AZIN2: variants seen among roughly 807,000 people sequenced by gnomAD.
The protein encoded by AZIN2 is antizyme inhibitor 2.
Under a neutral mutation model 47.8 loss-of-function variants are expected in AZIN2, and 28 were observed. The ratio of observed to expected loss-of-function variants is 0.59; its 90% CI spans 0.43 to 0.80. The LOEUF is 0.80. AZIN2 is among the 30% of genes least tolerant of loss of function. The probability of loss-of-function intolerance (pLI) is 0.00; values close to 1 mark genes in which losing one functional copy is unlikely to be tolerated. For missense variants in AZIN2, 535 were observed against 582.5 expected, an observed-to-expected ratio of 0.92 and a Z score of 0.84; for synonymous variants, 221 against 239.4, an observed-to-expected ratio of 0.92 and a Z score of 0.71.
chr1:33,159,937 G>A, the AZIN2 span: 2 of 1,602,944 alleles, frequency 1.2e-6, no homozygotes, highest in Middle Eastern at 1.6e-4. This position sits in a 1 kb window ranked among gnomAD's most constrained non-coding sequence, Gnocchi z 4.2. Flanking sequence ...CAGGCTCTTG[G>A]TGGAAGACTG....
chr1:33,120,517 T>A lies in AZIN2; in HGVS notation c.*335T>A, dbSNP rs1396896681. 4.4e-6 allele frequency: 1 copy of A among 226,286 alleles called. No homozygotes were observed. The highest frequency in any genetic ancestry group is 8.8e-6 in the Non-Finnish European group (1 of 114,278). 14.0% of individuals were successfully genotyped at this position (226,286 alleles called of 1,614,324 possible). On this transcript the variant is annotated 3_prime_UTR_variant, in exon 12 of 12. Coordinates refer to ENST00000294517, the MANE Select transcript of AZIN2 (RefSeq NM_052998.4). ...TAATGCAAATAAATAAATATTTAGGTTTTTAAAAACTGCAGCGGAATCTGG... is the reference window on the plus strand; with the variant it reads ...TAATGCAAATAAATAAATATTTAGGATTTTAAAAACTGCAGCGGAATCTGG...
intron 10 of AZIN2, among the ~76,000 whole-genome samples, chr1:33,107,302 C>G (rs949114079): frequency 7.1e-6 from 1 of 139,960 alleles, no homozygotes. Context: ...ACACAAAGGC[C>G]GGCGCAGTGG....
chr1:33,092,424 G>A (rs1396476317), intron 6 of AZIN2, among the ~76,000 whole-genome samples: 2 of 152,052 alleles, frequency 1.3e-5, no homozygotes, highest in Non-Finnish European at 2.9e-5. Flanking sequence ...GGAGGTTGGG[G>A]CAGGTACTCC....
At chr1:33,116,860 G>A (rs994864639) in intron 10 of AZIN2, among the ~76,000 whole-genome samples, 2 of 152,138 alleles carry the variant, frequency 1.3e-5, no homozygotes, top group Non-Finnish European at 2.9e-5. Context: ...GGGAAGTAGG[G>A]TTTACCTGGG....
Position 33,092,241 on chromosome 1 carries a change from A to G in AZIN2, c.452+19A>G. 2.5e-6 allele frequency: 4 copies of G among 1,587,814 alleles called. No homozygotes were observed. The highest frequency in any genetic ancestry group is 2.6e-6 in the Non-Finnish European group (3 of 1,163,180). On this transcript the variant is annotated intron_variant, in intron 6 of 11. Transcript: ENST00000294517. Reference sequence around the variant, plus strand: ...GTGCCAAGTAAGCTGAGAACCACTCATGGGGAGGCTGGGCTGTGGGGAGCC... The same window carrying G: ...GTGCCAAGTAAGCTGAGAACCACTCGTGGGGAGGCTGGGCTGTGGGGAGCC...
chr1:33,133,061 G>T, the AZIN2 span, among the ~76,000 whole-genome samples: 1 of 152,240 alleles, frequency 6.6e-6, no homozygotes, highest in Admixed American at 6.5e-5. Context: ...CCCTGCGGAG[G>T]CCCCATCAGG....
the AZIN2 span, among the ~76,000 whole-genome samples, chr1:33,139,722 T>C: frequency 1.3e-5 from 2 of 152,248 alleles, no homozygotes; most frequent in South Asian, 4.2e-4. Context: ...AAGGCTGTGG[T>C]GCGTGGCCAT....
chr1:33,106,009 C>T (rs1302927653), intron 10 of AZIN2, among the ~76,000 whole-genome samples: 1 of 152,106 alleles, frequency 6.6e-6, no homozygotes, highest in Non-Finnish European at 1.5e-5. Flanking sequence ...ATTGCAATAG[C>T]ACTTACCAAG....
the AZIN2 span, among the ~76,000 whole-genome samples, chr1:33,151,871 C>T: frequency 6.6e-6 from 1 of 152,208 alleles, no homozygotes; most frequent in South Asian, 2.1e-4. Flanking sequence ...GGGGCACAGC[C>T]CAGCACAGCT....
At chr1:33,119,804 G>T in intron 11 of AZIN2, 1 of 579,884 alleles carries the variant, frequency 1.7e-6, no homozygotes, top group Non-Finnish European at 3.1e-6. Flanking sequence ...TAAGTGCCTG[G>T]CATGATGTCT....
At chr1:33,149,273 C>G in the AZIN2 span, among the ~76,000 whole-genome samples, 1 of 152,206 alleles carries the variant, frequency 6.6e-6, no homozygotes, top group East Asian at 1.9e-4. Context: ...ATGCCTCAGC[C>G]TCTCGAGTAG....
downstream of AZIN2, among the ~76,000 whole-genome samples, chr1:33,124,379 G>A (rs1028098251): frequency 6.6e-6 from 1 of 151,370 alleles, no homozygotes; most frequent in African/African-American, 2.4e-5. The surrounding 1 kb of genome is among the most constrained non-coding windows in gnomAD (Gnocchi z 4.6). Flanking sequence ...TCTTTGGGAA[G>A]ATTAATTGAA....
At chr1:33,087,231 T>C (rs1642017604) in intron 5 of AZIN2, among the ~76,000 whole-genome samples, 1 of 151,808 alleles carries the variant, frequency 6.6e-6, no homozygotes, top group Admixed American at 6.6e-5. Context: ...CCTCCCGGGT[T>C]CAAGTGATTC....
the AZIN2 span, among the ~76,000 whole-genome samples, chr1:33,162,154 C>G: frequency 6.6e-6 from 1 of 152,212 alleles, no homozygotes; most frequent in Non-Finnish European, 1.5e-5. Context: ...AACTGAATCA[C>G]AGATGATCCT....
the AZIN2 span, chr1:33,165,454 G>C: frequency 6.4e-7 from 1 of 1,572,264 alleles, no homozygotes. The surrounding 1 kb of genome is among the most constrained non-coding windows in gnomAD (Gnocchi z 4.0). Context: ...CCACCTCCGC[G>C]CCCCGGCCAG....
In AZIN2 at chr1:33,121,139, G is replaced by C. The variant is rs138460077; in HGVS notation, c.*957G>C. Reference sequence around the variant, plus strand: ...GGGTTCCCAAATTATGCCCCGGGGTGTGTGAGCTGTTGAGCAAAGGAGTTC... The same window carrying C: ...GGGTTCCCAAATTATGCCCCGGGGTCTGTGAGCTGTTGAGCAAAGGAGTTC... On this transcript the variant is annotated 3_prime_UTR_variant, in exon 12 of 12. Coordinates refer to ENST00000294517, the MANE Select transcript of AZIN2 (RefSeq NM_052998.4). Among the ~76,000 whole-genome samples the C allele has an allele frequency of 6.6e-5, 10 of 152,328 alleles. No homozygotes were observed. In the East Asian group the frequency reaches 1.9e-3, roughly 29 times the overall value.
chr1:33,083,868 G>C lies in AZIN2; in HGVS notation c.106-86G>C, dbSNP rs546473626. ...AGCTCTGTGGCCAGTACTGAACCTG[G>C]GTCAGGTACTTGGAAGGATCACGGA... On this transcript the variant is annotated intron_variant, in intron 4 of 11. Coordinates refer to ENST00000294517, the MANE Select transcript of AZIN2 (RefSeq NM_052998.4). The C allele has an allele frequency of 5.9e-6, 9 of 1,523,112 alleles. No individual in the cohort carries two copies. The Admixed American group carries it at 1.5e-4, about 26-fold the overall frequency. 94.3% of individuals were successfully genotyped at this position (1,523,112 alleles called of 1,614,324 possible).
chr1:33,146,828 T>G, the AZIN2 span: 1 of 331,850 alleles, frequency 3.0e-6, no homozygotes, highest in African/African-American at 2.1e-5. Flanking sequence ...GCTCTGACAC[T>G]TCCTGAGGTC....
At chr1:33,146,009 G>A in the AZIN2 span, 309 of 436,138 alleles carry the variant, frequency 7.1e-4, 1 homozygote, top group Admixed American at 1.8e-3. Flanking sequence ...TGGCTGGCAC[G>A]GACCGTGGCA....
Sources: allele counts gnomAD v4.1 joint callset (sites outside exome capture counted in the v4.1 genomes callset), GRCh38; gene constraint gnomAD v4.1.1; non-coding constraint Gnocchi (gnomAD v3.1); transcripts MANE v1.5; gene names NCBI Gene and HGNC (gene_info 2026-07-23, HGNC 2026-07-21).